Variants in EPC2 observed in about 807,000 individuals in gnomAD.
The protein encoded by EPC2 is enhancer of polycomb 2.
EPC2 carries 14 observed loss-of-function variants against 92.1 expected under a neutral mutation model. That is an observed-to-expected ratio of 0.15 (90% CI 0.10 to 0.24). The LOEUF (loss-of-function observed/expected upper bound fraction) is 0.24. Ranked by LOEUF, EPC2 falls within the 10% of genes least tolerant of loss-of-function variation. The pLI is 1.00. For missense variants in EPC2, 755 were observed against 971.5 expected (o/e 0.78, Z 2.96); for synonymous variants, 340 against 334.7 (o/e 1.02, Z -0.17).
At chr2:148,759,979 A>C (rs1475519638) in intron 4 of EPC2, among the ~76,000 whole-genome samples, 1 of 152,202 alleles carries the variant, frequency 6.6e-6, no homozygotes, top group Middle Eastern at 3.2e-3. Context: ...GCAGTGGCTC[A>C]TGCCTGTAAT....
chr2:148,656,185 C>T (rs1019477523), intron 1 of EPC2, among the ~76,000 whole-genome samples: 2 of 152,112 alleles, frequency 1.3e-5, no homozygotes, highest in Non-Finnish European at 2.9e-5. Context: ...TTTTGATTTT[C>T]AATTCCTTCC....
At chr2:148,716,674 T>C (rs1034919559) in intron 2 of EPC2, among the ~76,000 whole-genome samples, 3 of 152,160 alleles carry the variant, frequency 2.0e-5, no homozygotes, top group African/African-American at 4.8e-5. Context: ...TGCATCGAGG[T>C]TCACCAAAGA....
At chr2:148,768,134 C>A (rs1475942161) in intron 7 of EPC2, among the ~76,000 whole-genome samples, 1 of 151,878 alleles carries the variant, frequency 6.6e-6, no homozygotes, top group African/African-American at 2.4e-5. Context: ...TTTTTCCTCT[C>A]GAAATAGGAA....
intron 2 of EPC2, among the ~76,000 whole-genome samples, chr2:148,698,264 A>G (rs1681793666): frequency 6.6e-6 from 1 of 152,172 alleles, no homozygotes; most frequent in Non-Finnish European, 1.5e-5. Flanking sequence ...CATGGAGTTC[A>G]GTAAAGCCAC....
At chr2:148,721,243 A>G (rs1343798645) in intron 2 of EPC2, among the ~76,000 whole-genome samples, 2 of 151,654 alleles carry the variant, frequency 1.3e-5, no homozygotes, top group Admixed American at 1.3e-4. Context: ...CTCAATTTTT[A>G]TTTGTCTGAG....
At chr2:148,665,569 A>G (rs1435726195) in intron 1 of EPC2, among the ~76,000 whole-genome samples, 1 of 152,242 alleles carries the variant, frequency 6.6e-6, no homozygotes, top group Non-Finnish European at 1.5e-5. Context: ...AAGTGGTACA[A>G]GTTAGCATTA....
At chr2:148,758,465 G>A (rs774944779) in intron 4 of EPC2, among the ~76,000 whole-genome samples, 22 of 151,852 alleles carry the variant, frequency 1.4e-4, no homozygotes, top group Non-Finnish European at 3.1e-4. Context: ...GTGCAATCTC[G>A]CCCCAGTGCA....
chr2:148,748,205 A>AC (rs935525563), intron 3 of EPC2, among the ~76,000 whole-genome samples: 2 of 151,960 alleles, frequency 1.3e-5, no homozygotes, highest in African/African-American at 4.8e-5. Flanking sequence ...TTCTGCTCCC[A>AC]CCACATAAGA....
In EPC2 at chr2:148,698,694, CTT is replaced by C. The variant is rs386355296; in HGVS notation, c.313+8338_313+8339del. On this transcript the variant is annotated intron_variant, in intron 2 of 13. Transcript: ENST00000258484. ...CTCTGATAGAAACTAAGAAAGTAAG[CTT>C]TTTTTTTTTTTTTTTTGAGAAGCTG... Among the ~76,000 whole-genome samples the C allele has an allele frequency of 5.1e-3, 453 of 88,208 alleles. 11 individuals carry two copies. The East Asian group carries it at 0.13, about 24-fold the overall frequency. 57.9% of individuals were successfully genotyped at this position (88,208 alleles called of 152,430 possible). A position where few individuals can be genotyped will look rare whatever the true frequency, so the allele number is the denominator to read the frequency against.
intron 6 of EPC2, 23 bp from the exon 7 acceptor site, chr2:148,764,932 G>A (rs1183524321): frequency 7.1e-7 from 1 of 1,409,370 alleles, no homozygotes; most frequent in East Asian, 2.6e-5. Flanking sequence ...TTCCTTTTGG[G>A]GGAAAAATCG....
chr2:148,699,844 C>G (rs1681837125), intron 2 of EPC2, among the ~76,000 whole-genome samples: 1 of 152,196 alleles, frequency 6.6e-6, no homozygotes, highest in South Asian at 2.1e-4. Context: ...TGCATTCCCA[C>G]TGACAGTGAA....
intron 2 of EPC2, among the ~76,000 whole-genome samples, chr2:148,732,438 T>TTG (rs1168762695): frequency 6.7e-6 from 1 of 150,340 alleles, no homozygotes; most frequent in Non-Finnish European, 1.5e-5. Context: ...TAGAGTGCAG[T>TTG]GGCACGATCT....
chr2:148,753,871 CT>C, intron 3 of EPC2, 55 bp from the exon 4 acceptor site: 2 of 1,498,842 alleles, frequency 1.3e-6, no homozygotes, highest in East Asian at 4.8e-5. Flanking sequence ...CATAAGCTAA[CT>C]TTTATTTCTT....
chr2:148,782,631 G>A (rs577543191), intron 11 of EPC2, among the ~76,000 whole-genome samples: 1 of 152,168 alleles, frequency 6.6e-6, no homozygotes, highest in Admixed American at 6.5e-5. Context: ...AAATAAAGAT[G>A]CTAGAGATAA....
chr2:148,768,585 T>G (rs992446847), intron 7 of EPC2, among the ~76,000 whole-genome samples: 1 of 152,228 alleles, frequency 6.6e-6, no homozygotes, highest in African/African-American at 2.4e-5. Context: ...TCTTTTCTAC[T>G]TCTGATCTGC....
intron 1 of EPC2, among the ~76,000 whole-genome samples, chr2:148,659,812 A>C (rs989095391): frequency 1.3e-5 from 2 of 151,850 alleles, no homozygotes; most frequent in African/African-American, 4.8e-5. Flanking sequence ...CCCTTTATTT[A>C]CTGTTAGGAC....
At position 148,748,957 on chromosome 2, in the gene EPC2, T is replaced by A. The variant is rs186032258; in HGVS notation, c.460-4970T>A. Among the ~76,000 whole-genome samples, 163 of 152,264 alleles carry A rather than the reference T, an allele frequency of 1.1e-3. 1 individual carries two copies. Among genetic ancestry groups the A allele is most frequent in the African/African-American group, 3.8e-3 (156 of 41,556 alleles). Reference sequence around the variant, plus strand: ...TGCCACTAGCTATTTTATTAAAAATTCATCTTCTTAAAAAAGAAAAACTTC... The same window carrying A: ...TGCCACTAGCTATTTTATTAAAAATACATCTTCTTAAAAAAGAAAAACTTC... On this transcript the variant is annotated intron_variant, in intron 3 of 13. Transcript: ENST00000258484.
intron 13 of EPC2, among the ~76,000 whole-genome samples, chr2:148,785,252 GGAAAA>G (rs1429745611): frequency 6.6e-6 from 1 of 151,970 alleles, no homozygotes; most frequent in African/African-American, 2.4e-5. Flanking sequence ...GAGAGAGAAA[GGAAAA>G]GAAAGAAAAG....
intron 2 of EPC2, among the ~76,000 whole-genome samples, chr2:148,735,090 TG>T (rs976398258): frequency 5.3e-5 from 8 of 152,088 alleles, no homozygotes; most frequent in African/African-American, 1.9e-4. Context: ...TTTGCTTATA[TG>T]AATATAATGT....
Sources: allele counts gnomAD v4.1 joint callset (sites outside exome capture counted in the v4.1 genomes callset), GRCh38; gene constraint gnomAD v4.1.1; transcripts MANE v1.5; gene names NCBI Gene and HGNC (gene_info 2026-07-23, HGNC 2026-07-21).